The following TMEM106B variants were observed in gnomAD, a reference collection of about 807,000 sequenced individuals.
TMEM106B encodes transmembrane protein 106B.
Under a neutral mutation model 31.1 loss-of-function variants are expected in TMEM106B, and 15 were observed. The observed-to-expected ratio is 0.48, with a 90% CI of 0.32 to 0.74. The LOEUF is 0.74. Among genes scored for constraint, TMEM106B ranks in the 30% least tolerant of loss-of-function variants. TMEM106B has a pLI of 0.03. For missense variants in TMEM106B, 283 were observed against 327.3 expected (o/e 0.86, Z 1.04); for synonymous variants, 126 against 112.5 (o/e 1.12, Z -0.76).
rs970063658 is a variant in TMEM106B, at chr7:12,237,711, C to G, written c.*5736C>G. ...ATAGGCTGTGTGCAGTGGCTCACAC[C>G]TGTAATCCCAGCACTTTCGGAGGCC... On this transcript the variant is annotated 3_prime_UTR_variant, in exon 8 of 8. Coordinates refer to ENST00000396668, the MANE Select transcript of TMEM106B (RefSeq NM_001134232.2). The G allele has an allele frequency of 3.9e-5, 6 of 151,922 alleles. No homozygotes were observed. Among genetic ancestry groups the G allele is most frequent in the African/African-American group, 1.5e-4 (6 of 41,292 alleles). 9.4% of individuals were successfully genotyped at this position (151,922 alleles called of 1,614,324 possible). A position where few individuals can be genotyped will look rare whatever the true frequency, so the allele number is the denominator to read the frequency against.
rs1011791694 is a variant in TMEM106B, at chr7:12,240,736, G to A, written c.*8761G>A. 8 of 150,642 alleles carry A rather than the reference G, an allele frequency of 5.3e-5. No homozygotes were observed. The highest frequency in any genetic ancestry group is 2.0e-4 in the African/African-American group (8 of 40,908). The allele number at this position is 150,642 out of a possible 1,614,324, so 9.3% of individuals were successfully genotyped here. A position where few individuals can be genotyped will look rare whatever the true frequency, so the allele number is the denominator to read the frequency against. On this transcript the variant is annotated 3_prime_UTR_variant, in exon 8 of 8. Transcript: ENST00000396668. ...GGTTTTTCAGAATTTTTTAAAGCTT[G>A]TGAAATACTTATTTGTAAATAGCAT... is the stretch of plus-strand genomic sequence containing the variant.
chr7:12,221,860 A>G (rs968817917), intron 3 of TMEM106B, among the ~76,000 whole-genome samples: 8 of 152,212 alleles, frequency 5.3e-5, no homozygotes, highest in African/African-American at 1.7e-4. Flanking sequence ...TGATCAACAT[A>G]TATGTGTGAG....
At chr7:12,213,058 G>C (rs1018144057) in intron 1 of TMEM106B, among the ~76,000 whole-genome samples, 3 of 152,034 alleles carry the variant, frequency 2.0e-5, no homozygotes, top group Non-Finnish European at 4.4e-5. Flanking sequence ...GCTTTAAAAG[G>C]GTATGACCTT....
chr7:12,224,635 T>TAA (rs3839693), intron 4 of TMEM106B, among the ~76,000 whole-genome samples: 2 of 151,552 alleles, frequency 1.3e-5, no homozygotes, highest in African/African-American at 4.9e-5. Flanking sequence ...TAAAATAAAC[T>TAA]AAAAAAAGAA....
intron 5 of TMEM106B, 24 bp from the exon 6 acceptor site, chr7:12,230,365 C>T (rs1385287350): frequency 3.8e-6 from 6 of 1,561,536 alleles, no homozygotes; most frequent in African/African-American, 1.4e-5. Context: ...TGTTCTCTAT[C>T]GAATTTCTCC....
At chr7:12,223,383 G>A (rs1370046324) in intron 3 of TMEM106B, among the ~76,000 whole-genome samples, 1 of 151,964 alleles carries the variant, frequency 6.6e-6, no homozygotes, top group East Asian at 1.9e-4. Flanking sequence ...GTGCAGGTTT[G>A]TTACATAGGT....
In TMEM106B at chr7:12,229,034, T is replaced by C. The variant is rs372447310; in HGVS notation, c.442-645T>C. Among the ~76,000 whole-genome samples, 32 of 152,272 alleles carry C rather than the reference T, an allele frequency of 2.1e-4. 1 individual carries two copies. The highest frequency in any genetic ancestry group is 1.5e-3 in the Admixed American group (23 of 15,294). ...AACCGATGCTTACAAATATTTCTTTTATTTATCATTTAGTGTCTATGGATT... is the reference window on the plus strand; with the variant it reads ...AACCGATGCTTACAAATATTTCTTTCATTTATCATTTAGTGTCTATGGATT... On this transcript the variant is annotated intron_variant, in intron 4 of 7. Coordinates refer to ENST00000396668, the MANE Select transcript of TMEM106B (RefSeq NM_001134232.2).
Position 12,238,428 on chromosome 7 carries a change from T to G in TMEM106B, c.*6453T>G, listed in dbSNP as rs1244241251. The G allele has an allele frequency of 6.6e-6, 1 of 152,194 alleles. No homozygotes were observed. The highest frequency in any genetic ancestry group is 2.4e-5 in the African/African-American group (1 of 41,446). 9.4% of individuals were successfully genotyped at this position (152,194 alleles called of 1,614,324 possible). A position where few individuals can be genotyped will look rare whatever the true frequency, so the allele number is the denominator to read the frequency against. ...ATTATCCATGAGAGTTGAAATCAAT[T>G]TCTTTCAAACTCCTGTTAATGTTCA... On this transcript the variant is annotated 3_prime_UTR_variant, in exon 8 of 8. Transcript: ENST00000396668.
chr7:12,232,034 T>G lies in TMEM106B; in HGVS notation c.*59T>G. The G allele has an allele frequency of 6.6e-7, 1 of 1,523,064 alleles. No homozygotes were observed. 94.3% of individuals were successfully genotyped at this position (1,523,064 alleles called of 1,614,324 possible). A position where few individuals can be genotyped will look rare whatever the true frequency, so the allele number is the denominator to read the frequency against. ...CTATTGATATTTCCTATACTCTCAA[T>G]GAAGAGGTATTTCCTAATAGGAGAC... On this transcript the variant is annotated 3_prime_UTR_variant, in exon 8 of 8. Transcript: ENST00000396668.
At chr7:12,228,641 G>C (rs762007655) in intron 4 of TMEM106B, among the ~76,000 whole-genome samples, 1 of 151,692 alleles carries the variant, frequency 6.6e-6, no homozygotes, top group African/African-American at 2.4e-5. Flanking sequence ...AGGATTGCCC[G>C]ATCAAAGTCT....
intron 4 of TMEM106B, among the ~76,000 whole-genome samples, chr7:12,225,362 A>G (rs1005121827): frequency 1.4e-4 from 22 of 152,224 alleles, no homozygotes; most frequent in Non-Finnish European, 1.0e-4. Context: ...AGCATGATTT[A>G]TAATCCTTTG....
Position 12,218,489 on chromosome 7 carries a change from A to C in TMEM106B, c.249A>C (p.Pro83=), listed in dbSNP as rs1367578632. The C allele has an allele frequency of 1.2e-6, 2 of 1,612,962 alleles. No individual in the cohort carries two copies. The highest frequency in any genetic ancestry group is 2.2e-5 in the East Asian group (1 of 44,794). The change falls in exon 3 of 8, where the codon CCA becomes CCC. Residue 83 remains proline, a synonymous_variant. Transcript: ENST00000396668. The part of the protein sequence containing the change: ...GQENQLVALI[P]YSDQRLRPRR... Reference sequence around the variant, plus strand: ...AAAACCAACTGGTGGCATTGATTCCATATAGTGATCAGAGATTAAGGCCAA... The same window carrying C: ...AAAACCAACTGGTGGCATTGATTCCCTATAGTGATCAGAGATTAAGGCCAA...
chr7:12,219,759 C>T (rs931813012), intron 3 of TMEM106B, among the ~76,000 whole-genome samples: 1 of 151,990 alleles, frequency 6.6e-6, no homozygotes, highest in Admixed American at 6.6e-5. Flanking sequence ...GGAAATAGAA[C>T]ATAAACGGGA....
At chr7:12,212,324 A>G (rs956881400) in intron 1 of TMEM106B, among the ~76,000 whole-genome samples, 3 of 152,074 alleles carry the variant, frequency 2.0e-5, no homozygotes, top group South Asian at 4.1e-4. Context: ...AATGATCCCA[A>G]TTCATCTAGT....
chr7:12,226,270 T>C (rs796746594), intron 4 of TMEM106B, among the ~76,000 whole-genome samples: 64 of 152,322 alleles, frequency 4.2e-4, no homozygotes, highest in African/African-American at 1.5e-3. Flanking sequence ...TTTTGGTTAC[T>C]GTAGCCTTGT....
rs1249651198 is a variant in TMEM106B at position 12,236,542 on chromosome 7, A to G, written c.*4567A>G. ...GTGTTTTAAGAGATACAATTTCAGC[A>G]TATTTTATATATTAAAAAACAAAAA... is the stretch of plus-strand genomic sequence containing the variant. On this transcript the variant is annotated 3_prime_UTR_variant, in exon 8 of 8. Transcript: ENST00000396668. The G allele has an allele frequency of 6.6e-6, 1 of 151,900 alleles. No individual in the cohort carries two copies. The highest frequency in any genetic ancestry group is 6.6e-5 in the Admixed American group (1 of 15,216). 9.4% of individuals were successfully genotyped at this position (151,900 alleles called of 1,614,324 possible). A position where few individuals can be genotyped will look rare whatever the true frequency, so the allele number is the denominator to read the frequency against.
chr7:12,230,445 T>G lies in TMEM106B; in HGVS notation c.632+7T>G. On this transcript the variant is annotated splice_region_variant and intron_variant, in intron 6 of 7. Transcript: ENST00000396668. ...AGGAAATGAGTTATATGTAGTAAGT[T>G]CTGATTTATAATAACTTTTTATTGT... 5 of 1,544,914 alleles carry G rather than the reference T, an allele frequency of 3.2e-6. No homozygotes were observed. The highest frequency in any genetic ancestry group is 1.2e-5 in the South Asian group (1 of 86,688).
In TMEM106B at chr7:12,243,329, G is replaced by A. The variant is rs145111592; in HGVS notation, c.*11354G>A. 1 of 152,016 alleles carries A rather than the reference G, an allele frequency of 6.6e-6. No homozygotes were observed. The highest frequency in any genetic ancestry group is 1.5e-5 in the Non-Finnish European group (1 of 67,954). 9.4% of individuals were successfully genotyped at this position (152,016 alleles called of 1,614,324 possible). A position where few individuals can be genotyped will look rare whatever the true frequency, so the allele number is the denominator to read the frequency against. ...TTGATACTAATTTTTAAGAAGAAAT[G>A]TATCATTCTCATGGAAATAAAAGAT... On this transcript the variant is annotated 3_prime_UTR_variant, in exon 8 of 8. Transcript: ENST00000396668.
At position 12,231,056 on chromosome 7, in the gene TMEM106B, T is replaced by C; in HGVS notation, c.633-6T>C. 1 of 1,582,068 alleles carries C rather than the reference T, an allele frequency of 6.3e-7. No individual in the cohort carries two copies. The highest frequency in any genetic ancestry group is 8.6e-7 in the Non-Finnish European group (1 of 1,161,414). ...GCATTTGTTCACATTTTAATTTCTT[T>C]AACAGTGATTTCTGTACTCTGATAT... On this transcript the variant is annotated splice_polypyrimidine_tract_variant and splice_region_variant and intron_variant, in intron 6 of 7. Coordinates refer to ENST00000396668, the MANE Select transcript of TMEM106B (RefSeq NM_001134232.2).
Sources: allele counts gnomAD v4.1 joint callset (sites outside exome capture counted in the v4.1 genomes callset), GRCh38; gene constraint gnomAD v4.1.1; transcripts MANE v1.5; gene names NCBI Gene and HGNC (gene_info 2026-07-23, HGNC 2026-07-21).